USP6NL: variants seen among roughly 807,000 people sequenced by gnomAD.
USP6NL encodes the protein USP6 N-terminal like, also known as USP6 N-terminal-like protein.
In USP6NL, 26 loss-of-function variants were observed where a neutral mutation model predicts 61.9. That is an observed-to-expected ratio of 0.42 (90% confidence interval 0.31 to 0.58). The LOEUF (loss-of-function observed/expected upper bound fraction) is 0.58. Among genes scored for constraint, USP6NL ranks in the 20% least tolerant of loss-of-function variants. The pLI is 0.16. For synonymous variants in USP6NL, 432 were observed against 390.1 expected (o/e 1.11, Z -1.27); for missense variants, 1,114 against 1,034.3 (o/e 1.08, Z -1.06).
chr10:11,515,112 C>T (rs1834898779), intron 5 of USP6NL, among the ~76,000 whole-genome samples: 1 of 152,160 alleles, frequency 6.6e-6, no homozygotes. Flanking sequence ...TCTTTGTTAC[C>T]TCTCAACCTC....
At chr10:11,512,636 C>T (rs1834771543) in intron 5 of USP6NL, among the ~76,000 whole-genome samples, 1 of 152,198 alleles carries the variant, frequency 6.6e-6, no homozygotes, top group Non-Finnish European at 1.5e-5. Context: ...GTGATCTGGC[C>T]ACCATGAACT....
At chr10:11,593,094 C>T (rs1838206688) in intron 2 of USP6NL, among the ~76,000 whole-genome samples, 1 of 152,184 alleles carries the variant, frequency 6.6e-6, no homozygotes, top group Admixed American at 6.5e-5. Flanking sequence ...TCAAACACTC[C>T]AGTGTCATAG....
At chr10:11,467,179 TG>T (rs1439807847) in intron 14 of USP6NL, among the ~76,000 whole-genome samples, 1 of 152,104 alleles carries the variant, frequency 6.6e-6, no homozygotes, top group Non-Finnish European at 1.5e-5. Flanking sequence ...AGAACAAAAA[TG>T]GAGCACCCTA....
chr10:11,567,342 GAC>G (rs779095023), intron 2 of USP6NL, among the ~76,000 whole-genome samples: 7 of 152,140 alleles, frequency 4.6e-5, no homozygotes, highest in Non-Finnish European at 8.8e-5. Context: ...CCATAGTTAA[GAC>G]AATACACTGG....
intron 2 of USP6NL, among the ~76,000 whole-genome samples, chr10:11,543,767 G>GTAACA (rs1836159744): frequency 6.8e-6 from 1 of 146,716 alleles, no homozygotes; most frequent in Non-Finnish European, 1.5e-5. Context: ...TAGGCTCCAG[G>GTAACA]TAACATCTTG....
intron 14 of USP6NL, among the ~76,000 whole-genome samples, chr10:11,464,510 C>T (rs1344727609): frequency 6.6e-6 from 1 of 152,208 alleles, no homozygotes; most frequent in Non-Finnish European, 1.5e-5. Context: ...ACTAGCAAGT[C>T]ACAGGTCCAG....
rs1003936100 is a variant in USP6NL, at chr10:11,468,797, T to C, written c.1079-4948A>G. ...ATCAGTAAAGACTGAGCTGGACACA[T>C]AGTAAAATGTAGAATTACCAATATA... On this transcript the variant is annotated intron_variant, in intron 14 of 14. Transcript: ENST00000609104. This position sits in a 1 kb window ranked among gnomAD's most constrained non-coding sequence, Gnocchi z 4.5. Among the ~76,000 whole-genome samples, 2 of 152,118 alleles carry C rather than the reference T, an allele frequency of 1.3e-5. No homozygotes were observed. Among genetic ancestry groups the C allele is most frequent in the African/African-American group, 2.4e-5 (1 of 41,398 alleles).
intron 2 of USP6NL, among the ~76,000 whole-genome samples, chr10:11,558,372 G>A (rs934876803): frequency 2.0e-5 from 3 of 152,018 alleles, no homozygotes; most frequent in East Asian, 3.8e-4. Flanking sequence ...TTTTCTCCTC[G>A]TCCTCAACAA....
At chr10:11,571,527 A>T (rs1477206918) in intron 2 of USP6NL, among the ~76,000 whole-genome samples, 1 of 152,178 alleles carries the variant, frequency 6.6e-6, no homozygotes, top group Non-Finnish European at 1.5e-5. Flanking sequence ...CTTCTAGGAT[A>T]ATTTTCTCTT....
Position 11,462,840 on chromosome 10 carries a change from A to G in USP6NL, c.2088T>C (p.Ser696=). Residue 696 remains serine, a synonymous_variant, in exon 15 of 15, where the codon AGT becomes AGC. Coordinates refer to ENST00000609104, the MANE Select transcript of USP6NL (RefSeq NM_014688.5). The part of the protein sequence containing the change: ...SRPSPLVLPS[S]RIEVLPVDTG... ...TGTCAACAGGGAGGACTTCTATTCG[A>G]CTAGACGGCAGTACAAGGGGGCTTG... The G allele has an allele frequency of 6.2e-7, 1 of 1,613,968 alleles. No individual in the cohort carries two copies. Among genetic ancestry groups the G allele is most frequent in the Non-Finnish European group, 8.5e-7 (1 of 1,179,884 alleles).
Position 11,541,490 on chromosome 10 carries a change from A to G in USP6NL, c.5-13923T>C, listed in dbSNP as rs1407465417. ...AACTGCAAAGATCACACAGTTCTTA[A>G]GTTAGAGAAGTGGCACTTGGAACAA... On this transcript the variant is annotated intron_variant, in intron 2 of 14. Coordinates refer to ENST00000609104, the MANE Select transcript of USP6NL (RefSeq NM_014688.5). 2.0e-5 allele frequency among the ~76,000 whole-genome samples: 3 copies of G among 152,042 alleles called. No individual in the cohort carries two copies. The East Asian group carries it at 5.8e-4, about 29-fold the overall frequency.
chr10:11,605,598 A>C (rs1838681437), intron 1 of USP6NL, among the ~76,000 whole-genome samples: 1 of 152,206 alleles, frequency 6.6e-6, no homozygotes, highest in Non-Finnish European at 1.5e-5. Context: ...TACTGCATCC[A>C]CAGAAATATA....
At position 11,518,483 on chromosome 10, in the gene USP6NL, C is replaced by T; in HGVS notation, c.195+52G>A. 1 of 1,501,726 alleles carries T rather than the reference C, an allele frequency of 6.7e-7. No individual in the cohort carries two copies. Among genetic ancestry groups the T allele is most frequent in the East Asian group, 2.3e-5 (1 of 44,262 alleles). 93.0% of individuals were successfully genotyped at this position (1,501,726 alleles called of 1,614,324 possible). ...CACAAAGGTGGTCAATTTTATTCTTCTAATAAAGGCAATTCACCAGTAACT... is the reference window on the plus strand; with the variant it reads ...CACAAAGGTGGTCAATTTTATTCTTTTAATAAAGGCAATTCACCAGTAACT... On this transcript the variant is annotated intron_variant, in intron 5 of 14. Coordinates refer to ENST00000609104, the MANE Select transcript of USP6NL (RefSeq NM_014688.5). This position sits in a 1 kb window ranked among gnomAD's most constrained non-coding sequence, Gnocchi z 5.3.
intron 5 of USP6NL, among the ~76,000 whole-genome samples, chr10:11,517,075 T>TGGATATCTTTTGTTAA (rs377551567): frequency 2.0e-5 from 3 of 152,342 alleles, no homozygotes; most frequent in African/African-American, 7.2e-5. Flanking sequence ...TTGCCAAATG[T>TGGATATCTTTTGTTAA]GGATATCTTT....
intron 14 of USP6NL, among the ~76,000 whole-genome samples, chr10:11,472,042 G>A (rs1016692221): frequency 6.6e-6 from 1 of 151,220 alleles, no homozygotes; most frequent in Non-Finnish European, 1.5e-5. Flanking sequence ...GATACAGTAG[G>A]GGATGCTTTT....
intron 2 of USP6NL, among the ~76,000 whole-genome samples, chr10:11,578,673 A>C (rs975323816): frequency 6.6e-6 from 1 of 152,246 alleles, no homozygotes; most frequent in African/African-American, 2.4e-5. Flanking sequence ...GACACCCTTC[A>C]TCAGGTTAGG....
intron 4 of USP6NL, among the ~76,000 whole-genome samples, chr10:11,523,596 T>C (rs371740713): frequency 6.6e-6 from 1 of 152,146 alleles, no homozygotes; most frequent in East Asian, 1.9e-4. Context: ...TTGGAATCCA[T>C]AATGCTAAAA....
Position 11,462,552 on chromosome 10 carries a change from C to T in USP6NL, c.2376G>A (p.Pro792=). The T allele has an allele frequency of 2.5e-6, 4 of 1,613,958 alleles. No homozygotes were observed. The highest frequency in any genetic ancestry group is 3.4e-6 in the Non-Finnish European group (4 of 1,179,892). Reference sequence around the variant, plus strand: ...CAGATGGACTGGCATCTTCTGCGGCCGGTGAAGCTTTATATCTCACGGGAC... The same window carrying T: ...CAGATGGACTGGCATCTTCTGCGGCTGGTGAAGCTTTATATCTCACGGGAC... The part of the protein sequence containing the change: ...VDSPVRYKAS[P]AAEDASPSGY... The change falls in exon 15 of 15, where the codon CCG becomes CCA. Residue 792 remains proline (P), a synonymous_variant. Coordinates refer to ENST00000609104, the MANE Select transcript of USP6NL (RefSeq NM_014688.5).
At chr10:11,578,228 CA>C (rs979908959) in intron 2 of USP6NL, among the ~76,000 whole-genome samples, 10 of 152,324 alleles carry the variant, frequency 6.6e-5, no homozygotes, top group African/African-American at 2.2e-4. Flanking sequence ...CTCAGCCTCC[CA>C]AAGAGCTGGG....
Sources: allele counts gnomAD v4.1 joint callset (sites outside exome capture counted in the v4.1 genomes callset), GRCh38; gene constraint gnomAD v4.1.1; non-coding constraint Gnocchi (gnomAD v3.1); transcripts MANE v1.5; gene names NCBI Gene and HGNC (gene_info 2026-07-23, HGNC 2026-07-21).